Variants in CORO7 observed in about 807,000 individuals in gnomAD.
CORO7 encodes coronin-7.
A neutral mutation model predicts 126.6 loss-of-function variants in CORO7; 107 were observed. That is an observed-to-expected ratio of 0.85 (90% CI 0.72 to 0.99). The LOEUF (loss-of-function observed/expected upper bound fraction) is 0.99. CORO7 is among the 50% of genes least tolerant of loss of function. CORO7 has a pLI of 0.00. For missense variants in CORO7, 1,314 were observed against 1,255.8 expected, an observed-to-expected ratio of 1.05 and a Z score of -0.70; for synonymous variants, 603 against 536.8, an observed-to-expected ratio of 1.12 and a Z score of -1.70.
Position 4,361,396 on chromosome 16 carries a change from G to A in CORO7, c.1652C>T (p.Ala551Val), listed in dbSNP as rs1172774415. Residue 551 changes from alanine (A) to valine (V), a missense_variant, in exon 17 of 28, where the codon GCC becomes GTC. Transcript: ENST00000251166. ...LQNGAAVTDLAWDPFDPHRLA... is the reference protein window; with the variant it reads ...LQNGAAVTDLVWDPFDPHRLA... ...GCGATGGGGGTCAAAGGGGTCCCAG[G>A]CCAGATCAGTCACAGCTGCCCCATT... is the stretch of plus-strand genomic sequence containing the variant. 2.5e-6 allele frequency: 4 copies of A among 1,611,932 alleles called. No homozygotes were observed. The highest frequency in any genetic ancestry group is 3.4e-6 in the Non-Finnish European group (4 of 1,179,752).
intron 9 of CORO7, chr16:4,381,618 C>G: frequency 1.3e-6 from 2 of 1,597,418 alleles, no homozygotes; most frequent in Non-Finnish European, 8.5e-7. Context: ...TGCGGCTGGC[C>G]GGCAACACCC....
chr16:4,413,237 C>T, intron 2 of CORO7, 71 bp downstream of exon 2: 1 of 1,468,112 alleles, frequency 6.8e-7, no homozygotes, highest in Non-Finnish European at 9.2e-7. Context: ...CCTGCCCCTG[C>T]TCCCCACCCC....
chr16:4,391,594 G>A (rs1218253023), intron 7 of CORO7, among the ~76,000 whole-genome samples: 1 of 152,102 alleles, frequency 6.6e-6, no homozygotes, highest in South Asian at 2.1e-4. Flanking sequence ...AGCTTGACGT[G>A]GTGGTGCGTG....
intron 9 of CORO7, among the ~76,000 whole-genome samples, chr16:4,376,830 C>A (rs1193880391): frequency 6.6e-6 from 1 of 152,196 alleles, no homozygotes; most frequent in Non-Finnish European, 1.5e-5. Flanking sequence ...CGCTCCCCAG[C>A]CCCCAGGGTG....
chr16:4,377,713 G>A (rs2054792336), intron 9 of CORO7, among the ~76,000 whole-genome samples: 1 of 152,196 alleles, frequency 6.6e-6, no homozygotes, highest in African/African-American at 2.4e-5. Flanking sequence ...CCTCAGAGCT[G>A]CCAGCCTGTA....
intron 9 of CORO7, among the ~76,000 whole-genome samples, chr16:4,368,714 T>C (rs1005239714): frequency 1.4e-5 from 2 of 147,966 alleles, no homozygotes; most frequent in African/African-American, 5.1e-5. Context: ...CACCACTGCA[T>C]TCCAGCCTTG....
In CORO7 at chr16:4,362,546, G is replaced by C; in HGVS notation, c.1402+66C>G. On this transcript the variant is annotated intron_variant, in intron 15 of 27. Transcript: ENST00000251166. This position sits in a 1 kb window ranked among gnomAD's most constrained non-coding sequence, Gnocchi z 5.3. ...TGCTCAGCAGTAGGGTACACAGGAG[G>C]ATGACGGGGAGTGGGGCAGACAGGG... The C allele has an allele frequency of 6.7e-7, 1 of 1,485,304 alleles. No individual in the cohort carries two copies. Among genetic ancestry groups the C allele is most frequent in the Non-Finnish European group, 8.9e-7 (1 of 1,119,522 alleles). 92.0% of individuals were successfully genotyped at this position (1,485,304 alleles called of 1,614,324 possible). A position where few individuals can be genotyped will look rare whatever the true frequency, so the allele number is the denominator to read the frequency against.
At chr16:4,399,209 G>C (rs1333042876) in intron 6 of CORO7, among the ~76,000 whole-genome samples, 1 of 152,136 alleles carries the variant, frequency 6.6e-6, no homozygotes, top group Non-Finnish European at 1.5e-5. Flanking sequence ...AGCACTACTC[G>C]CAATAGCCAA....
intron 3 of CORO7, among the ~76,000 whole-genome samples, chr16:4,411,871 G>C (rs1295217444): frequency 6.6e-6 from 1 of 151,656 alleles, no homozygotes; most frequent in African/African-American, 2.4e-5. Context: ...CAGCCTGCCA[G>C]GCAGGCTGCT....
In CORO7 at chr16:4,391,591, C is replaced by T. The variant is rs117184580; in HGVS notation, c.616-2960G>A. Among the ~76,000 whole-genome samples, 5 of 152,202 alleles carry T rather than the reference C, an allele frequency of 3.3e-5. No homozygotes were observed. In the East Asian group the frequency reaches 9.7e-4, roughly 30 times the overall value. On this transcript the variant is annotated intron_variant, in intron 7 of 27. Coordinates refer to ENST00000251166, the MANE Select transcript of CORO7 (RefSeq NM_024535.5). The stretch of plus-strand genomic sequence containing the variant: ...CAAACAAACAACCCAACTAGCTTGA[C>T]GTGGTGGTGCGTGCCTGTAGTCCCA...
intron 3 of CORO7, 43 bp downstream of exon 3, chr16:4,412,313 G>A (rs1241575102): frequency 9.3e-6 from 15 of 1,607,656 alleles, no homozygotes; most frequent in Non-Finnish European, 1.3e-5. Flanking sequence ...GGAGAGGGAG[G>A]TGCAAGTTTC....
intron 2 of CORO7, 107 bp from the exon 3 acceptor site, chr16:4,412,537 C>T: frequency 8.6e-7 from 1 of 1,158,564 alleles, no homozygotes; most frequent in East Asian, 2.4e-5. Context: ...CGGACCTTCC[C>T]AGAGCCTCTA....
chr16:4,403,670 T>C (rs2055893936), intron 6 of CORO7, among the ~76,000 whole-genome samples: 1 of 151,922 alleles, frequency 6.6e-6, no homozygotes, highest in Admixed American at 6.5e-5. Context: ...GCCAAGCCGG[T>C]GGCCCATGGG....
chr16:4,415,920 G>T, intron 1 of CORO7: 2 of 985,452 alleles, frequency 2.0e-6, no homozygotes, highest in Non-Finnish European at 2.4e-6. Context: ...CCAGCGGCGA[G>T]AGGAGGAAGC....
At chr16:4,393,091 G>A (rs186527737) in intron 7 of CORO7, among the ~76,000 whole-genome samples, 5 of 152,326 alleles carry the variant, frequency 3.3e-5, no homozygotes, top group Admixed American at 6.5e-5. Context: ...AAGAGGGGGC[G>A]GAGGAGGGGA....
chr16:4,375,130 G>A (rs1051517913), intron 9 of CORO7, among the ~76,000 whole-genome samples: 12 of 151,934 alleles, frequency 7.9e-5, no homozygotes, highest in Non-Finnish European at 1.5e-4. Flanking sequence ...ACGTCCCACC[G>A]CCCCAGGGGC....
At chr16:4,384,597 C>T (rs1165374805) in intron 9 of CORO7, among the ~76,000 whole-genome samples, 1 of 152,232 alleles carries the variant, frequency 6.6e-6, no homozygotes, top group East Asian at 1.9e-4. Context: ...GGGAGCAGGC[C>T]CCGTGGCGCG....
At chr16:4,387,806 C>T (rs2055244844) in intron 9 of CORO7, 180 bp downstream of exon 9, 2 of 722,164 alleles carry the variant, frequency 2.8e-6, no homozygotes, top group Non-Finnish European at 4.5e-6. Flanking sequence ...CTGCTCGTGA[C>T]ATCTGGAAGC....
rs369681515 is a variant in CORO7 at position 4,364,779 on chromosome 16, C to A, written c.1040G>T (p.Arg347Leu). The change falls in exon 12 of 28, where the codon CGC (arginine) becomes CTC (leucine). Residue 347 changes from arginine (R) to leucine (L), a missense_variant. By Grantham distance (102) the Arg-to-Leu change is moderately radical (BLOSUM62 -2). Coordinates refer to ENST00000251166, the MANE Select transcript of CORO7 (RefSeq NM_024535.5). ...CCTCGCCCAAGTCCCCCTCACCTTGCGGGGCACATGGTAGCCGATGGGCAC... is the reference window on the plus strand; with the variant it reads ...CCTCGCCCAAGTCCCCCTCACCTTGAGGGGCACATGGTAGCCGATGGGCAC... ...AIVPIGYHVPRKAVEFHEDLF... is the reference protein window; with the variant it reads ...AIVPIGYHVPLKAVEFHEDLF... 5 of 1,610,094 alleles carry A rather than the reference C, an allele frequency of 3.1e-6. No individual in the cohort carries two copies. The highest frequency in any genetic ancestry group is 4.2e-6 in the Non-Finnish European group (5 of 1,178,756).
Sources: allele counts gnomAD v4.1 joint callset (sites outside exome capture counted in the v4.1 genomes callset), GRCh38; gene constraint gnomAD v4.1.1; non-coding constraint Gnocchi (gnomAD v3.1); transcripts MANE v1.5; gene names NCBI Gene and HGNC (gene_info 2026-07-23, HGNC 2026-07-21).